Variants in ALDH8A1 observed in about 807,000 individuals in gnomAD.
ALDH8A1 encodes the protein 2-aminomuconic semialdehyde dehydrogenase.
In ALDH8A1, 39 loss-of-function variants were observed where a neutral mutation model predicts 43.3. The observed-to-expected ratio is 0.90, with a 90% CI of 0.70 to 1.18. The LOEUF (loss-of-function observed/expected upper bound fraction) is 1.18. Among genes scored for constraint, ALDH8A1 ranks in the 50% most tolerant of loss-of-function variants. The probability of loss-of-function intolerance (pLI) is 0.00; values close to 1 mark genes in which losing one functional copy is unlikely to be tolerated. For missense variants in ALDH8A1, 605 were observed against 622.6 expected (o/e 0.97, Z 0.30); for synonymous variants, 233 against 243.5 (o/e 0.96, Z 0.40).
chr6:134,921,259 C>G (rs1776795587), intron 6 of ALDH8A1, among the ~76,000 whole-genome samples: 1 of 152,170 alleles, frequency 6.6e-6, no homozygotes, highest in Non-Finnish European at 1.5e-5. Context: ...CTGGCCCTAG[C>G]AGGGGATGCA....
intron 6 of ALDH8A1, among the ~76,000 whole-genome samples, chr6:134,922,405 T>C (rs1776818203): frequency 6.6e-6 from 1 of 152,182 alleles, no homozygotes; most frequent in African/African-American, 2.4e-5. Context: ...TTTCTTTTTT[T>C]GAGACAGAGT....
intron 2 of ALDH8A1, 68 bp from the exon 3 acceptor site, chr6:134,942,632 C>A: frequency 1.3e-6 from 2 of 1,482,886 alleles, no homozygotes; most frequent in Non-Finnish European, 1.8e-6. Context: ...GCTTCCACTG[C>A]CCACGCGTCC....
At chr6:134,934,160 C>A (rs1287776822) in intron 4 of ALDH8A1, among the ~76,000 whole-genome samples, 1 of 152,110 alleles carries the variant, frequency 6.6e-6, no homozygotes, top group Non-Finnish European at 1.5e-5. Flanking sequence ...AAATAAAATC[C>A]TAAGCTCCCC....
intron 4 of ALDH8A1, among the ~76,000 whole-genome samples, chr6:134,933,456 T>C (rs1236949373): frequency 1.3e-5 from 2 of 152,122 alleles, no homozygotes; most frequent in Non-Finnish European, 2.9e-5. Context: ...GAGAGGTGTA[T>C]ACATGCTGCA....
chr6:134,941,949 G>A (rs955887173), intron 3 of ALDH8A1, among the ~76,000 whole-genome samples: 7 of 151,990 alleles, frequency 4.6e-5, no homozygotes, highest in Admixed American at 4.6e-4. Context: ...GCCTGGCGTG[G>A]TGGCTCACGC....
chr6:134,949,035 A>T (rs192216675), intron 1 of ALDH8A1, among the ~76,000 whole-genome samples: 1 of 152,326 alleles, frequency 6.6e-6, no homozygotes, highest in Non-Finnish European at 1.5e-5. Flanking sequence ...GATTTGAAGT[A>T]TTAACAAAAA....
chr6:134,932,942 G>A lies in ALDH8A1; in HGVS notation c.683C>T (p.Ser228Phe), dbSNP rs267600821. The change falls in exon 5 of 7, where the codon TCC (serine) becomes TTC (phenylalanine). Residue 228 changes from serine to phenylalanine, a missense_variant. Transcript: ENST00000265605. ...LVSHPEVPLISFTGSQPTAER... is the reference protein window; with the variant it reads ...LVSHPEVPLIFFTGSQPTAER... ...AGCGGTGGGCTGGCTCCCGGTGAAG[G>A]AGATCAGGGGCACCTCTGGGTGGGA... 1 of 1,614,068 alleles carries A rather than the reference G, an allele frequency of 6.2e-7. No homozygotes were observed. The highest frequency in any genetic ancestry group is 8.5e-7 in the Non-Finnish European group (1 of 1,180,014).
chr6:134,944,132 AT>A, intron 1 of ALDH8A1, 166 bp from the exon 2 acceptor site: 2 of 928,828 alleles, frequency 2.2e-6, no homozygotes, highest in Non-Finnish European at 3.0e-6. Context: ...CAGTGGCGCA[AT>A]TTTGGCTCAC....
intron 4 of ALDH8A1, among the ~76,000 whole-genome samples, chr6:134,934,953 G>A (rs908620592): frequency 6.6e-6 from 1 of 152,132 alleles, no homozygotes; most frequent in African/African-American, 2.4e-5. Context: ...GCTCATCTGT[G>A]CATGCACCTG....
intron 5 of ALDH8A1, among the ~76,000 whole-genome samples, chr6:134,930,424 G>T (rs1243268325): frequency 6.6e-6 from 1 of 152,128 alleles, no homozygotes; most frequent in Non-Finnish European, 1.5e-5. Context: ...CTTAGAGTTG[G>T]CATGTAACCA....
intron 6 of ALDH8A1, among the ~76,000 whole-genome samples, chr6:134,924,348 GCCA>G (rs888684829): frequency 2.6e-5 from 4 of 152,228 alleles, no homozygotes; most frequent in African/African-American, 9.6e-5. Context: ...TTGCACAAAG[GCCA>G]CCACAACCTT....
intron 5 of ALDH8A1, among the ~76,000 whole-genome samples, chr6:134,932,564 G>C (rs565398603): frequency 1.8e-4 from 27 of 152,258 alleles, no homozygotes; most frequent in Middle Eastern, 6.8e-3. Flanking sequence ...CTCAAGAAGA[G>C]GAGTTTGCTG....
At chr6:134,949,068 TA>T (rs901893190) in intron 1 of ALDH8A1, among the ~76,000 whole-genome samples, 40 of 151,664 alleles carry the variant, frequency 2.6e-4, no homozygotes, top group African/African-American at 8.7e-4. Flanking sequence ...GCAATGTTCT[TA>T]AAAAAAAACT....
At position 134,945,705 on chromosome 6, in the gene ALDH8A1, C is replaced by T. The variant is rs1361187780; in HGVS notation, c.139-1739G>A. On this transcript the variant is annotated intron_variant, in intron 1 of 6. Transcript: ENST00000265605. ...TCCTTTTCCATAGGCTTCTGGCAGC[C>T]GTGAGCATCTTTTTTGGGGCGCTTG... 3.3e-5 allele frequency among the ~76,000 whole-genome samples: 5 copies of T among 152,114 alleles called. No homozygotes were observed. In the East Asian group the frequency reaches 7.7e-4, roughly 23 times the overall value.
chr6:134,934,174 T>G (rs1403015226), intron 4 of ALDH8A1, among the ~76,000 whole-genome samples: 1 of 152,166 alleles, frequency 6.6e-6, no homozygotes, highest in Non-Finnish European at 1.5e-5. Context: ...GCTCCCCCAG[T>G]TGACTGAATG....
chr6:134,949,122 T>A (rs1442111260), intron 1 of ALDH8A1, among the ~76,000 whole-genome samples: 2 of 152,190 alleles, frequency 1.3e-5, no homozygotes, highest in African/African-American at 4.8e-5. Flanking sequence ...ATATTTTAAA[T>A]AATCTAGTTA....
chr6:134,941,672 G>A (rs1300784075), intron 3 of ALDH8A1, among the ~76,000 whole-genome samples: 1 of 151,810 alleles, frequency 6.6e-6, no homozygotes, highest in Admixed American at 6.5e-5. Flanking sequence ...TTACAGGCAT[G>A]AGCCACCGCG....
At chr6:134,921,318 G>A (rs1776796668) in intron 6 of ALDH8A1, among the ~76,000 whole-genome samples, 1 of 152,168 alleles carries the variant, frequency 6.6e-6, no homozygotes, top group South Asian at 2.1e-4. Context: ...AAACCCTCCA[G>A]AATTCTCTCC....
intron 4 of ALDH8A1, among the ~76,000 whole-genome samples, chr6:134,935,839 A>T (rs1773728052): frequency 6.6e-6 from 1 of 152,172 alleles, no homozygotes; most frequent in African/African-American, 2.4e-5. Flanking sequence ...CCATACAGCC[A>T]CAGCCTTGGC....
Sources: allele counts gnomAD v4.1 joint callset (sites outside exome capture counted in the v4.1 genomes callset), GRCh38; gene constraint gnomAD v4.1.1; transcripts MANE v1.5; gene names NCBI Gene and HGNC (gene_info 2026-07-23, HGNC 2026-07-21).